The following NUP155 variants were observed in gnomAD, a reference collection of about 807,000 sequenced individuals.
The protein encoded by NUP155 is nucleoporin 155.
NUP155 carries 71 observed loss-of-function variants against 180.4 expected under a neutral mutation model. That is an observed-to-expected ratio of 0.39 (90% CI 0.33 to 0.48). The LOEUF (loss-of-function observed/expected upper bound fraction) is 0.48. NUP155 is among the 20% of genes least tolerant of loss of function. The probability of loss-of-function intolerance (pLI) is 0.91; values close to 1 mark genes in which losing one functional copy is unlikely to be tolerated. For missense variants in NUP155, 1,553 were observed against 1,648.9 expected (o/e 0.94, Z 1.01); for synonymous variants, 582 against 559.5 (o/e 1.04, Z -0.57).
intron 20 of NUP155, 61 bp downstream of exon 20, chr5:37,323,931 A>G: frequency 8.4e-7 from 1 of 1,184,124 alleles, no homozygotes; most frequent in Non-Finnish European, 1.3e-6. Flanking sequence ...TATGTAAATC[A>G]TCTCAACAAA....
In NUP155 at chr5:37,310,598, T is replaced by C. The variant is rs373561180; in HGVS notation, c.2582A>G (p.Asp861Gly). The C allele has an allele frequency of 6.2e-6, 10 of 1,613,464 alleles. No individual in the cohort carries two copies. The African/African-American group carries it at 1.2e-4, about 19-fold the overall frequency. The change falls in exon 23 of 35, where the codon GAT (aspartate) becomes GGT (glycine). Residue 861 changes from aspartate to glycine, a missense_variant. Transcript: ENST00000231498. Reference sequence around the variant, plus strand: ...AGTGCTATATAGAAGTGGGCAGATATCCTGTAAATGTAAACTAATGCCATC... The same window carrying C: ...AGTGCTATATAGAAGTGGGCAGATACCCTGTAAATGTAAACTAATGCCATC... ...AVDGISLHLQDICPLLYSTDD... is the reference protein window; with the variant it reads ...AVDGISLHLQGICPLLYSTDD...
At chr5:37,352,912 C>A in intron 4 of NUP155, 83 bp from the exon 5 acceptor site, 3 of 894,096 alleles carry the variant, frequency 3.4e-6, no homozygotes, top group East Asian at 2.5e-5. Flanking sequence ...TTAAAGTGAG[C>A]TACTAATTAA....
intron 14 of NUP155, among the ~76,000 whole-genome samples, chr5:37,331,075 G>A (rs2150966709): frequency 6.6e-6 from 1 of 151,586 alleles, no homozygotes; most frequent in South Asian, 2.1e-4. Context: ...AATGAACCTG[G>A]GAGGTGGAGC....
Position 37,310,609 on chromosome 5 carries a change from T to C in NUP155, c.2571A>G (p.Leu857=), listed in dbSNP as rs1279984565. The C allele has an allele frequency of 2.5e-6, 4 of 1,613,610 alleles. No individual in the cohort carries two copies. The highest frequency in any genetic ancestry group is 3.3e-5 in the Admixed American group (2 of 59,974). ...RDNAAVDGIS[L]HLQDICPLLY... Reference sequence around the variant, plus strand: ...GAAGTGGGCAGATATCCTGTAAATGTAAACTAATGCCATCAACAGCGGCAT... The same window carrying C: ...GAAGTGGGCAGATATCCTGTAAATGCAAACTAATGCCATCAACAGCGGCAT... The change falls in exon 23 of 35, where the codon TTA becomes TTG. Residue 857 remains leucine, a synonymous_variant. Transcript: ENST00000231498.
chr5:37,309,308 C>A, intron 23 of NUP155, 41 bp from the exon 24 acceptor site: 2 of 1,547,950 alleles, frequency 1.3e-6, no homozygotes, highest in South Asian at 2.3e-5. Flanking sequence ...TATATAAAAT[C>A]AAGCAGACAG....
At position 37,348,545 on chromosome 5, in the gene NUP155, A is replaced by C. The variant is rs772186246; in HGVS notation, c.955T>G (p.Ser319Ala). Residue 319 changes from serine to alanine, a missense_variant, in exon 9 of 35, where the codon TCA becomes GCA. Ser to Ala is a moderately conservative substitution (Grantham distance 99, BLOSUM62 1). Coordinates refer to ENST00000231498, the MANE Select transcript of NUP155 (RefSeq NM_153485.3). ...GQGMSRVASV[S>A]QNAIVSAAGN... The stretch of plus-strand genomic sequence containing the variant: ...GCAGCAGAGACAATGGCATTCTGTG[A>C]CACAGAGGCAACTCTGCTCATTCCT... The C allele has an allele frequency of 2.5e-6, 4 of 1,613,030 alleles. No individual in the cohort carries two copies. Among genetic ancestry groups the C allele is most frequent in the Non-Finnish European group, 3.4e-6 (4 of 1,178,972 alleles).
Position 37,292,888 on chromosome 5 carries a change from T to C in NUP155, c.4028A>G (p.Asn1343Ser). ...RYVENPSQVL[N>S]CERRRFTNLC... Reference sequence around the variant, plus strand: ...TTTAATTCATAAGTACCTTTCACAATTTAAAACTTGGCTGGGATTCTCAAC... The same window carrying C: ...TTTAATTCATAAGTACCTTTCACAACTTAAAACTTGGCTGGGATTCTCAAC... Residue 1343 changes from asparagine (N) to serine (S), a missense_variant, in exon 34 of 35, where the codon AAT becomes AGT. Physicochemically the swap from Asn to Ser is conservative, Grantham distance 46 (BLOSUM62 1). Transcript: ENST00000231498. The C allele has an allele frequency of 1.9e-6, 3 of 1,602,032 alleles. No individual in the cohort carries two copies. Among genetic ancestry groups the C allele is most frequent in the Non-Finnish European group, 2.6e-6 (3 of 1,169,584 alleles).
intron 1 of NUP155, among the ~76,000 whole-genome samples, chr5:37,365,709 GGGA>G (rs1747516060): frequency 1.8e-3 from 8 of 4,360 alleles, no homozygotes; most frequent in South Asian, 0.011. Context: ...CTCTGTCTCG[GGGA>G]GAAAAAAAAA....
chr5:37,350,126 G>T, intron 7 of NUP155, 34 bp downstream of exon 7: 1 of 1,431,056 alleles, frequency 7.0e-7, no homozygotes, highest in Non-Finnish European at 9.9e-7. Context: ...TTAGAAATTA[G>T]TTGTACTTGC....
intron 1 of NUP155, 56 bp from the exon 2 acceptor site, chr5:37,364,440 C>G (rs1329106136): frequency 3.3e-6 from 5 of 1,526,096 alleles, no homozygotes; most frequent in Non-Finnish European, 4.5e-6. Context: ...ACCGGGCAAA[C>G]AAAAGGATTG....
intron 21 of NUP155, among the ~76,000 whole-genome samples, chr5:37,316,064 T>C (rs1387961365): frequency 1.3e-5 from 2 of 152,240 alleles, no homozygotes; most frequent in African/African-American, 4.8e-5. Flanking sequence ...TCTGGGTATA[T>C]ACCCAAAAGA....
intron 16 of NUP155, among the ~76,000 whole-genome samples, chr5:37,328,815 T>C (rs974892250): frequency 6.6e-6 from 1 of 152,190 alleles, no homozygotes; most frequent in African/African-American, 2.4e-5. Context: ...ACAGAAGCTA[T>C]TTCTAAGCAT....
chr5:37,295,415 A>T (rs1297416387), intron 32 of NUP155, among the ~76,000 whole-genome samples: 5 of 151,976 alleles, frequency 3.3e-5, no homozygotes, highest in Non-Finnish European at 7.4e-5. Flanking sequence ...ACCTCCCAGC[A>T]GCCTGCCTTG....
At chr5:37,346,872 T>A (rs1265744769) in intron 9 of NUP155, among the ~76,000 whole-genome samples, 1 of 152,142 alleles carries the variant, frequency 6.6e-6, no homozygotes, top group African/African-American at 2.4e-5. Context: ...TTTGAAATAT[T>A]GTGTTCTGTA....
chr5:37,322,464 T>C (rs1744306711), intron 20 of NUP155, among the ~76,000 whole-genome samples: 1 of 152,060 alleles, frequency 6.6e-6, no homozygotes, highest in African/African-American at 2.4e-5. Flanking sequence ...TCTCAGCACT[T>C]TGGGAGGCCG....
At chr5:37,348,205 G>A (rs1746227675) in intron 9 of NUP155, among the ~76,000 whole-genome samples, 1 of 152,104 alleles carries the variant, frequency 6.6e-6, no homozygotes, top group African/African-American at 2.4e-5. Flanking sequence ...TAGGGAGCCT[G>A]TGGCAGGAGA....
intron 34 of NUP155, among the ~76,000 whole-genome samples, 179 bp from the exon 35 acceptor site, chr5:37,292,217 ATTT>A (rs879236027): frequency 2.8e-5 from 4 of 143,830 alleles, no homozygotes; most frequent in African/African-American, 7.6e-5. Context: ...CCATTTGAAG[ATTT>A]TTTTTTTTTT....
In NUP155 at chr5:37,288,329, C is replaced by T. The variant is rs767605076; in HGVS notation, c.*3571G>A. On this transcript the variant is annotated 3_prime_UTR_variant, in exon 35 of 35. Coordinates refer to ENST00000231498, the MANE Select transcript of NUP155 (RefSeq NM_153485.3). ...GAAAAATGACAGGAATGGAGACTAC[C>T]CTGAGGAATACTTTTGAGATCAGTG... 3.3e-5 allele frequency: 5 copies of T among 152,038 alleles called. No homozygotes were observed. The South Asian group carries it at 1.0e-3, about 32-fold the overall frequency. 9.4% of individuals were successfully genotyped at this position (152,038 alleles called of 1,614,324 possible).
chr5:37,292,986 C>T lies in NUP155; in HGVS notation c.3931-1G>A. 6.3e-7 allele frequency: 1 copy of T among 1,575,472 alleles called. No homozygotes were observed. Among genetic ancestry groups the T allele is most frequent in the Non-Finnish European group, 8.7e-7 (1 of 1,145,156 alleles). ...TCTTCATTCTGTTCCAGAATGGATC[C>T]TATGAAGAAATATACATAATGAAAT... On this transcript the variant is annotated splice_acceptor_variant, in intron 33 of 34. Transcript: ENST00000231498. LOFTEE classifies it high-confidence loss of function.
Sources: gnomAD v4.1 joint callset for allele counts (sites outside exome capture counted in the v4.1 genomes callset) on GRCh38, gnomAD v4.1.1 for gene constraint, MANE v1.5 for transcripts, NCBI Gene and HGNC (gene_info 2026-07-23, HGNC 2026-07-21) for gene names.